The following ERC1 variants were observed in gnomAD, a reference collection of about 807,000 sequenced individuals.
ERC1 encodes RAB6 interacting protein 2.
In ERC1, 56 loss-of-function variants were observed where a neutral mutation model predicts 132.0. The ratio of observed to expected loss-of-function variants is 0.42; its 90% CI spans 0.34 to 0.53. ERC1 has a LOEUF of 0.53. Ranked by LOEUF, ERC1 falls within the 20% of genes least tolerant of loss-of-function variation. ERC1 has a pLI of 0.03. For synonymous variants in ERC1, 478 were observed against 476.1 expected, an observed-to-expected ratio of 1.00 and a Z score of -0.05; for missense variants, 1,202 against 1,349.9, an observed-to-expected ratio of 0.89 and a Z score of 1.72.
At chr12:1,081,931 C>A (rs762009147) in intron 2 of ERC1, among the ~76,000 whole-genome samples, 14 of 151,820 alleles carry the variant, frequency 9.2e-5, no homozygotes, top group Non-Finnish European at 1.8e-4. Context: ...GTGGTACAAT[C>A]TGGCATATAC....
At chr12:1,324,931 T>G (rs2082347564) in intron 15 of ERC1, among the ~76,000 whole-genome samples, 1 of 152,206 alleles carries the variant, frequency 6.6e-6, no homozygotes, top group Non-Finnish European at 1.5e-5. Flanking sequence ...CACATATATT[T>G]TGTAGCCCAC....
intron 15 of ERC1, among the ~76,000 whole-genome samples, chr12:1,325,657 G>T (rs1237633532): frequency 6.6e-6 from 1 of 152,004 alleles, no homozygotes; most frequent in Non-Finnish European, 1.5e-5. Context: ...AGATATTTCA[G>T]ATTGTAATTC....
chr12:1,350,759 AGG>A (rs2084922267), intron 15 of ERC1, among the ~76,000 whole-genome samples: 1 of 152,164 alleles, frequency 6.6e-6, no homozygotes, highest in Admixed American at 6.5e-5. Flanking sequence ...TAATGTAACA[AGG>A]TTTATTTAGC....
intron 1 of ERC1, among the ~76,000 whole-genome samples, chr12:1,003,401 A>G (rs1962858179): frequency 6.6e-6 from 1 of 152,224 alleles, no homozygotes; most frequent in African/African-American, 2.4e-5. Flanking sequence ...GTATATTGAA[A>G]TAAAACTGAA....
intron 13 of ERC1, among the ~76,000 whole-genome samples, chr12:1,258,155 A>G (rs537603716): frequency 1.3e-5 from 2 of 152,218 alleles, no homozygotes; most frequent in Non-Finnish European, 2.9e-5. Flanking sequence ...GGCATGTCCT[A>G]TCTTAATCTC....
At chr12:1,475,460 A>C (rs1431302320) in intron 18 of ERC1, among the ~76,000 whole-genome samples, 2 of 152,266 alleles carry the variant, frequency 1.3e-5, no homozygotes, top group Non-Finnish European at 2.9e-5. Flanking sequence ...TGAATACTGT[A>C]GCAGTTTACA....
intron 15 of ERC1, among the ~76,000 whole-genome samples, chr12:1,339,988 C>T (rs984553554): frequency 6.6e-6 from 1 of 152,266 alleles, no homozygotes; most frequent in East Asian, 1.9e-4. Flanking sequence ...TACACATGTG[C>T]TGGCAAAGAG....
chr12:1,178,097 G>A (rs1953944899), intron 8 of ERC1, among the ~76,000 whole-genome samples: 1 of 152,170 alleles, frequency 6.6e-6, no homozygotes, highest in Admixed American at 6.5e-5. Context: ...AAGTGAAAAT[G>A]TAAGCTTCAG....
chr12:1,241,335 C>G (rs1454995592), intron 13 of ERC1, among the ~76,000 whole-genome samples: 2 of 152,088 alleles, frequency 1.3e-5, no homozygotes, highest in African/African-American at 2.4e-5. Context: ...ACATTTGCTA[C>G]CTATCATGAA....
At chr12:1,219,400 C>G (rs1958746184) in intron 12 of ERC1, among the ~76,000 whole-genome samples, 1 of 152,178 alleles carries the variant, frequency 6.6e-6, no homozygotes, top group Non-Finnish European at 1.5e-5. Flanking sequence ...ACCATTCACT[C>G]ATTGTGCAGG....
At chr12:1,223,432 C>T (rs570346217) in intron 12 of ERC1, among the ~76,000 whole-genome samples, 2 of 152,268 alleles carry the variant, frequency 1.3e-5, no homozygotes, top group African/African-American at 4.8e-5. Context: ...CCCCTGGGAA[C>T]CTCGTTAAAG....
At chr12:1,154,259 GTGTATATATACACATATACA>G (rs1386023599) in intron 8 of ERC1, among the ~76,000 whole-genome samples, 4 of 137,210 alleles carry the variant, frequency 2.9e-5, no homozygotes, top group Admixed American at 7.3e-5. Flanking sequence ...ATATGTATAT[GTGTATATATACACATATACA>G]TGTATATATA....
chr12:1,024,507 A>G (rs914088901), intron 1 of ERC1, among the ~76,000 whole-genome samples: 1 of 152,224 alleles, frequency 6.6e-6, no homozygotes, highest in Non-Finnish European at 1.5e-5. Flanking sequence ...CTGTTTGACC[A>G]GAATAGATAC....
chr12:1,400,028 C>CAT (rs368891170), intron 16 of ERC1, among the ~76,000 whole-genome samples: 7 of 151,172 alleles, frequency 4.6e-5, no homozygotes, highest in African/African-American at 1.7e-4. Context: ...CGTCCCTACA[C>CAT]ATTCTCACCA....
At chr12:1,125,194 C>T (rs1265483262) in intron 7 of ERC1, among the ~76,000 whole-genome samples, 1 of 151,922 alleles carries the variant, frequency 6.6e-6, no homozygotes. Flanking sequence ...TGGGGTTTCA[C>T]TGTGTTAGCC....
rs139864307 is a variant in ERC1, at chr12:1,119,006, A to G, written c.1569+2973A>G. Among the ~76,000 whole-genome samples the G allele has an allele frequency of 2.3e-3, 349 of 152,212 alleles. 3 individuals carry two copies. In the South Asian group the frequency reaches 0.027, roughly 12 times the overall value. On this transcript the variant is annotated intron_variant, in intron 7 of 18. Transcript: ENST00000360905. ...CTTCTCCTGCCTCAGCCTCCTGAGT[A>G]GCCAAGACTTATAGGCATGTGCCAC...
chr12:1,260,501 C>T (rs906426119), intron 13 of ERC1, among the ~76,000 whole-genome samples: 3 of 152,184 alleles, frequency 2.0e-5, no homozygotes, highest in African/African-American at 7.2e-5. Flanking sequence ...TGTTGATACT[C>T]TGGTATTTGT....
chr12:1,390,639 G>T (rs2089878409), intron 16 of ERC1: 1 of 152,196 alleles, frequency 6.6e-6, no homozygotes, highest in Admixed American at 6.5e-5. Flanking sequence ...TCATCTCCCG[G>T]AGGTGGGGTT....
At chr12:1,064,015 T>G (rs1742542402) in intron 2 of ERC1, among the ~76,000 whole-genome samples, 1 of 152,200 alleles carries the variant, frequency 6.6e-6, no homozygotes, top group African/African-American at 2.4e-5. Context: ...AGACTTTATT[T>G]CTCCTTCATT....
Sources: gnomAD v4.1 joint callset for allele counts (sites outside exome capture counted in the v4.1 genomes callset) on GRCh38, gnomAD v4.1.1 for gene constraint, MANE v1.5 for transcripts, NCBI Gene and HGNC (gene_info 2026-07-23, HGNC 2026-07-21) for gene names.